Variants in SGIP1 observed in about 807,000 individuals in gnomAD.
SGIP1 encodes SH3GL interacting endocytic adaptor 1.
In SGIP1, 38 loss-of-function variants were observed where a neutral mutation model predicts 107.5. That is an observed-to-expected ratio of 0.35 (90% confidence interval 0.27 to 0.46). SGIP1 has a LOEUF of 0.46. SGIP1 is among the 20% of genes least tolerant of loss of function. The pLI, the probability that SGIP1 is intolerant of heterozygous loss-of-function variation, is 1.00. For synonymous variants in SGIP1, 365 were observed against 366.1 expected (o/e 1.00, Z 0.03); for missense variants, 929 against 1,019.5 (o/e 0.91, Z 1.21).
intron 2 of SGIP1, among the ~76,000 whole-genome samples, chr1:66,629,302 G>A (rs1353225019): frequency 2.0e-5 from 3 of 152,170 alleles, no homozygotes; most frequent in Non-Finnish European, 2.9e-5. Context: ...ATAGAGGAAG[G>A]GAGAGAGGTT....
intron 1 of SGIP1, among the ~76,000 whole-genome samples, chr1:66,540,695 A>G (rs1175059921): frequency 6.6e-6 from 1 of 152,192 alleles, no homozygotes; most frequent in Non-Finnish European, 1.5e-5. Context: ...GAATTTGTTA[A>G]TCTTAGGAGC....
chr1:66,535,484 A>G (rs2053391681), intron 1 of SGIP1, among the ~76,000 whole-genome samples: 2 of 152,244 alleles, frequency 1.3e-5, no homozygotes. Flanking sequence ...AAGGTTTCAT[A>G]AAAACAGCAG....
intron 1 of SGIP1, among the ~76,000 whole-genome samples, chr1:66,539,491 G>A (rs1322287782): frequency 6.6e-6 from 1 of 152,102 alleles, no homozygotes; most frequent in African/African-American, 2.4e-5. Flanking sequence ...AAGATATTAG[G>A]CATCTAGAAT....
At chr1:66,717,275 A>G (rs979471358) in intron 18 of SGIP1, among the ~76,000 whole-genome samples, 5 of 152,200 alleles carry the variant, frequency 3.3e-5, no homozygotes, top group African/African-American at 1.2e-4. Context: ...ATTCTTCTCC[A>G]GAAGCTGGTA....
At chr1:66,690,881 G>T (rs2089678937) in intron 17 of SGIP1, among the ~76,000 whole-genome samples, 1 of 152,106 alleles carries the variant, frequency 6.6e-6, no homozygotes, top group Admixed American at 6.5e-5. Context: ...GCCGTTGGTG[G>T]CATTTTCAGG....
chr1:66,684,120 G>T (rs2150028048), intron 15 of SGIP1: 8 of 1,550,490 alleles, frequency 5.2e-6, no homozygotes, highest in Non-Finnish European at 6.1e-6. Context: ...GGAAAACTGA[G>T]GCTCAGAGAT....
At chr1:66,597,771 C>T (rs2065007636) in intron 1 of SGIP1, among the ~76,000 whole-genome samples, 1 of 152,138 alleles carries the variant, frequency 6.6e-6, no homozygotes, top group Non-Finnish European at 1.5e-5. Context: ...TATCCCCTGT[C>T]CATGCCAAGT....
intron 1 of SGIP1, among the ~76,000 whole-genome samples, chr1:66,554,376 A>G (rs2057876395): frequency 6.6e-6 from 1 of 152,164 alleles, no homozygotes; most frequent in South Asian, 2.1e-4. Context: ...CAATGCAAAT[A>G]ATGCAATTTT....
At chr1:66,670,783 C>A (rs2083589668) in intron 9 of SGIP1, among the ~76,000 whole-genome samples, 1 of 151,972 alleles carries the variant, frequency 6.6e-6, no homozygotes, top group African/African-American at 2.4e-5. Context: ...TACGATTTAC[C>A]CTTTCTTCCT....
At chr1:66,626,880 C>G in intron 2 of SGIP1, among the ~76,000 whole-genome samples, 1 of 152,016 alleles carries the variant, frequency 6.6e-6, no homozygotes, top group Admixed American at 6.6e-5. Context: ...TGTATGGGCA[C>G]AGGTGAAAAT....
At chr1:66,655,853 A>G (rs1557476174) in intron 7 of SGIP1, among the ~76,000 whole-genome samples, 1 of 152,168 alleles carries the variant, frequency 6.6e-6, no homozygotes. Flanking sequence ...ACTGGACACT[A>G]CTGCAGACTT....
At chr1:66,594,096 A>T (rs1336029251) in intron 1 of SGIP1, among the ~76,000 whole-genome samples, 2 of 152,184 alleles carry the variant, frequency 1.3e-5, no homozygotes, top group East Asian at 3.8e-4. Flanking sequence ...GTATAAGTTT[A>T]GAAATTTTTA....
intron 1 of SGIP1, among the ~76,000 whole-genome samples, chr1:66,603,416 T>TA (rs2066237071): frequency 6.6e-6 from 1 of 152,148 alleles, no homozygotes; most frequent in Non-Finnish European, 1.5e-5. Context: ...ATTTTCATTT[T>TA]AAAAATGAGC....
intron 18 of SGIP1, among the ~76,000 whole-genome samples, chr1:66,709,570 G>A (rs2092770910): frequency 1.3e-5 from 2 of 152,168 alleles, no homozygotes; most frequent in South Asian, 4.1e-4. Context: ...ATAAAAGACA[G>A]TACCTAGCTC....
chr1:66,686,857 C>T (rs2088462110), intron 15 of SGIP1, among the ~76,000 whole-genome samples: 1 of 152,180 alleles, frequency 6.6e-6, no homozygotes, highest in African/African-American at 2.4e-5. Context: ...TATCAAAAAA[C>T]ACAATCTTAA....
At chr1:66,693,589 G>A (rs1362221276) in intron 17 of SGIP1, among the ~76,000 whole-genome samples, 2 of 152,098 alleles carry the variant, frequency 1.3e-5, no homozygotes, top group African/African-American at 4.8e-5. Flanking sequence ...TCTTTGTACA[G>A]ATTTTATTCA....
chr1:66,599,517 C>T (rs1412435391), intron 1 of SGIP1, among the ~76,000 whole-genome samples: 2 of 152,162 alleles, frequency 1.3e-5, no homozygotes, highest in Non-Finnish European at 2.9e-5. Context: ...CCAGGAGAAT[C>T]CCTTTTACAA....
Position 66,623,181 on chromosome 1 carries a change from G to A in SGIP1, c.11-2666G>A, listed in dbSNP as rs192491852. 1.8e-3 allele frequency among the ~76,000 whole-genome samples: 274 copies of A among 152,072 alleles called. 6 individuals carry two copies. In the South Asian group the frequency reaches 0.023, roughly 13 times the overall value. On this transcript the variant is annotated intron_variant, in intron 1 of 24. Coordinates refer to ENST00000371037, the MANE Select transcript of SGIP1 (RefSeq NM_032291.4). ...TACTTTCATAACTTCATTTGCTTTA[G>A]TCTTTCAGTTTTCTTCATATTTTTT...
chr1:66,554,970 C>T (rs1051973045), intron 1 of SGIP1, among the ~76,000 whole-genome samples: 1 of 152,146 alleles, frequency 6.6e-6, no homozygotes, highest in Middle Eastern at 3.2e-3. Context: ...ATGCTTAAAT[C>T]ATCTCAACTG....
Sources: allele counts gnomAD v4.1 joint callset (sites outside exome capture counted in the v4.1 genomes callset), GRCh38; gene constraint gnomAD v4.1.1; transcripts MANE v1.5; gene names NCBI Gene and HGNC (gene_info 2026-07-23, HGNC 2026-07-21).